ARHGEF19: variants seen among roughly 807,000 people sequenced by gnomAD.
The protein encoded by ARHGEF19 is Rho guanine nucleotide exchange factor 19, also known as Rho guanine nucleotide exchange factor (GEF) 19.
In ARHGEF19, 92 loss-of-function variants were observed where a neutral mutation model predicts 87.6. The ratio of observed to expected loss-of-function variants is 1.05; its 90% CI spans 0.89 to 1.25. The LOEUF (loss-of-function observed/expected upper bound fraction) is 1.25. ARHGEF19 is among the 50% of genes most tolerant of loss of function. The pLI is 0.00. For synonymous variants in ARHGEF19, 438 were observed against 446.2 expected, an observed-to-expected ratio of 0.98 and a Z score of 0.23; for missense variants, 1,054 against 1,051.8, an observed-to-expected ratio of 1.00 and a Z score of -0.03.
intron 14 of ARHGEF19, among the ~76,000 whole-genome samples, chr1:16,201,488 G>A (rs1205198942): frequency 6.6e-6 from 1 of 152,188 alleles, no homozygotes; most frequent in Non-Finnish European, 1.5e-5. Context: ...CTGGCTGGGT[G>A]AACTTACACA....
At chr1:16,202,685 C>T (rs2081094030) in intron 12 of ARHGEF19, 111 bp from the exon 13 acceptor site, 6 of 1,389,648 alleles carry the variant, frequency 4.3e-6, no homozygotes, top group South Asian at 1.4e-5. Flanking sequence ...GTTGCCTGCC[C>T]TGCCAGCGTT....
rs2081117399 is a variant in ARHGEF19 at position 16,205,254 on chromosome 1, G to A, written c.1657-78C>T. 2.5e-6 allele frequency: 4 copies of A among 1,599,552 alleles called. No homozygotes were observed. Among genetic ancestry groups the A allele is most frequent in the Non-Finnish European group, 3.4e-6 (4 of 1,170,622 alleles). On this transcript the variant is annotated intron_variant, in intron 10 of 15. Coordinates refer to ENST00000270747, the MANE Select transcript of ARHGEF19 (RefSeq NM_153213.5). This position sits in a 1 kb window ranked among gnomAD's most constrained non-coding sequence, Gnocchi z 5.8. The stretch of plus-strand genomic sequence containing the variant: ...GCCCAGCCTCAGACTCTTGCCTGGG[G>A]ACCGGAGACTCTGACAGCTGGGGGC...
At position 16,208,181 on chromosome 1, in the gene ARHGEF19, G is replaced by A. The variant is rs1245258685; in HGVS notation, c.457C>T (p.Pro153Ser). ...VYQREEVPGC[P>S]EAHAVFLEPG... is the part of the protein sequence containing the mutation. ...TCTAGGAAGACAGCGTGGGCCTCGG[G>A]GCAGCCGGGGACCTCTTCACGCTGG... Residue 153 changes from proline (P) to serine (S), a missense_variant, in exon 3 of 16, where the codon CCC becomes TCC. By Grantham distance (74) the Pro-to-Ser change is moderately conservative. Transcript: ENST00000270747. The A allele has an allele frequency of 6.2e-7, 1 of 1,613,296 alleles. No homozygotes were observed. The highest frequency in any genetic ancestry group is 8.5e-7 in the Non-Finnish European group (1 of 1,179,616).
chr1:16,211,780 G>T (rs754566659), intron 1 of ARHGEF19, among the ~76,000 whole-genome samples: 3 of 152,142 alleles, frequency 2.0e-5, no homozygotes, highest in Non-Finnish European at 4.4e-5. Context: ...ATCTCTGTTA[G>T]AAAAAAACAA....
At chr1:16,208,479 C>A (rs1202309187) in intron 2 of ARHGEF19, among the ~76,000 whole-genome samples, 164 bp downstream of exon 2, 1 of 152,208 alleles carries the variant, frequency 6.6e-6, no homozygotes, top group African/African-American at 2.4e-5. Flanking sequence ...TAACCTTGGA[C>A]AAGTCACTTG....
At chr1:16,201,466 C>T (rs985992597) in intron 14 of ARHGEF19, among the ~76,000 whole-genome samples, 5 of 152,222 alleles carry the variant, frequency 3.3e-5, no homozygotes, top group African/African-American at 1.2e-4. Flanking sequence ...CTGGTCTCGG[C>T]TCTGCTACTT....
At position 16,206,851 on chromosome 1, in the gene ARHGEF19, T is replaced by C; in HGVS notation, c.1137+97A>G. Reference sequence around the variant, plus strand: ...ACAGTCGCGCCAGCAACCCCCTTTGTGTGTCCCCCTCCCTCTATGGCCCGG... The same window carrying C: ...ACAGTCGCGCCAGCAACCCCCTTTGCGTGTCCCCCTCCCTCTATGGCCCGG... On this transcript the variant is annotated intron_variant, in intron 6 of 15. Transcript: ENST00000270747. This position sits in a 1 kb window ranked among gnomAD's most constrained non-coding sequence, Gnocchi z 4.6. 7.5e-7 allele frequency: 1 copy of C among 1,337,164 alleles called. No individual in the cohort carries two copies. The highest frequency in any genetic ancestry group is 1.6e-5 in the African/African-American group (1 of 64,470). The allele number at this position is 1,337,164 out of a possible 1,614,324, so 82.8% of individuals were successfully genotyped here.
chr1:16,203,887 T>C (rs1455206593), intron 12 of ARHGEF19, among the ~76,000 whole-genome samples: 2 of 152,266 alleles, frequency 1.3e-5, no homozygotes, highest in African/African-American at 2.4e-5. Flanking sequence ...GTATTTTCAC[T>C]GTCTGAGAGC....
Position 16,206,788 on chromosome 1 carries a change from C to T in ARHGEF19, c.1137+160G>A, listed in dbSNP as rs1012693064. On this transcript the variant is annotated intron_variant, in intron 6 of 15. Coordinates refer to ENST00000270747, the MANE Select transcript of ARHGEF19 (RefSeq NM_153213.5). The surrounding 1 kb of genome is among the most constrained non-coding windows in gnomAD (Gnocchi z 4.6). ...CTTGCTGTCCTCGCTTCCAGACGGC[C>T]TCGTGTAGTCAGGTCCTAGAGCCAA... Among the ~76,000 whole-genome samples, 5 of 152,076 alleles carry T rather than the reference C, an allele frequency of 3.3e-5. No individual in the cohort carries two copies. The highest frequency in any genetic ancestry group is 1.9e-4 in the East Asian group (1 of 5,176).
At chr1:16,210,970 C>G (rs1388893940) in intron 1 of ARHGEF19, among the ~76,000 whole-genome samples, 1 of 152,090 alleles carries the variant, frequency 6.6e-6, no homozygotes, top group East Asian at 1.9e-4. Flanking sequence ...TCCCCCTGCT[C>G]CCTTCACCCT....
At chr1:16,203,562 G>C (rs367646327) in intron 12 of ARHGEF19, among the ~76,000 whole-genome samples, 2 of 152,092 alleles carry the variant, frequency 1.3e-5, no homozygotes, top group African/African-American at 4.8e-5. Flanking sequence ...CACGCTCCCT[G>C]CTGCCTCAGA....
chr1:16,200,326 T>A (rs75181987), intron 14 of ARHGEF19, among the ~76,000 whole-genome samples: 1 of 152,364 alleles, frequency 6.6e-6, no homozygotes, highest in African/African-American at 2.4e-5. Context: ...AGGATTAAAT[T>A]AGATTTAATG....
At position 16,201,865 on chromosome 1, in the gene ARHGEF19, G is replaced by T. The variant is rs758908164; in HGVS notation, c.2067-4C>A. ...GATCCATCGCTGCTTCTCACTTCTAGGGAAGGGGGAGGCTAAGTTGTCACA... is the reference window on the plus strand; with the variant it reads ...GATCCATCGCTGCTTCTCACTTCTATGGAAGGGGGAGGCTAAGTTGTCACA... On this transcript the variant is annotated splice_region_variant and splice_polypyrimidine_tract_variant and intron_variant, in intron 13 of 15. Transcript: ENST00000270747. The T allele has an allele frequency of 1.2e-6, 2 of 1,613,356 alleles. No individual in the cohort carries two copies. Among genetic ancestry groups the T allele is most frequent in the Non-Finnish European group, 1.7e-6 (2 of 1,179,730 alleles).
At chr1:16,204,725 C>A in intron 12 of ARHGEF19, 34 bp downstream of exon 12, 2 of 1,531,998 alleles carry the variant, frequency 1.3e-6, no homozygotes, top group Non-Finnish European at 1.8e-6. Flanking sequence ...CCTGGCTCCA[C>A]TTTACCTACC....
chr1:16,206,904 TCCCCGGCCCGC>T lies in ARHGEF19; in HGVS notation c.1137+33_1137+43del. On this transcript the variant is annotated intron_variant, in intron 6 of 15. Transcript: ENST00000270747. This position sits in a 1 kb window ranked among gnomAD's most constrained non-coding sequence, Gnocchi z 4.6. ...CCCGCTAAGTCCCCGGACCGCGTACTCCCCGGCCCGCCCCCGCCCCGCCGGGTCCCCGCGCG... is the reference window on the plus strand; with the variant it reads ...CCCGCTAAGTCCCCGGACCGCGTACTCCCCGCCCCGCCGGGTCCCCGCGCG... The T allele has an allele frequency of 7.1e-7, 1 of 1,406,742 alleles. No homozygotes were observed. The highest frequency in any genetic ancestry group is 3.0e-5 in the East Asian group (1 of 33,482). 87.1% of individuals were successfully genotyped at this position (1,406,742 alleles called of 1,614,324 possible). A position where few individuals can be genotyped will look rare whatever the true frequency, so the allele number is the denominator to read the frequency against.
rs1045585630 is a variant in ARHGEF19 at position 16,207,429 on chromosome 1, C to T, written c.874+93G>A. On this transcript the variant is annotated intron_variant, in intron 5 of 15. Transcript: ENST00000270747. The surrounding 1 kb of genome is among the most constrained non-coding windows in gnomAD (Gnocchi z 4.0). ...CCATTCTCCGTTTCTCACTCGATCC[C>T]TACCTCTCAACTCTCCAAACCCTCT... 10 of 1,511,742 alleles carry T rather than the reference C, an allele frequency of 6.6e-6. No individual in the cohort carries two copies. The Admixed American group carries it at 1.8e-4, about 28-fold the overall frequency. The allele number at this position is 1,511,742 out of a possible 1,614,324, so 93.6% of individuals were successfully genotyped here.
chr1:16,206,340 C>A lies in ARHGEF19; in HGVS notation c.1138G>T (p.Ala380Ser). Reference sequence around the variant, plus strand: ...TCGGAGGTGATCAGCTCAAACTTGGCCTGAGGGAGGGCACACACGGGGTCG... The same window carrying A: ...TCGGAGGTGATCAGCTCAAACTTGGACTGAGGGAGGGCACACACGGGGTCG... ...LSLRDCKLQE[A>S]KFELITSEAS... Residue 380 changes from alanine (A) to serine (S), a missense_variant and splice_region_variant, in exon 7 of 16, where the codon GCC becomes TCC. Transcript: ENST00000270747. The surrounding 1 kb of genome is among the most constrained non-coding windows in gnomAD (Gnocchi z 4.6). 6.3e-7 allele frequency: 1 copy of A among 1,576,092 alleles called. No individual in the cohort carries two copies. The highest frequency in any genetic ancestry group is 8.6e-7 in the Non-Finnish European group (1 of 1,161,158).
Position 16,207,883 on chromosome 1 carries a change from G to GGGCGC in ARHGEF19, c.694+60_694+61insGCGCC. ...CTCAGGCGGCCGGTGAGTGGGCATC[G>GGGCGC]CCCACCCCCACCCCCACCCGGCATC... On this transcript the variant is annotated intron_variant, in intron 3 of 15. Coordinates refer to ENST00000270747, the MANE Select transcript of ARHGEF19 (RefSeq NM_153213.5). This position sits in a 1 kb window ranked among gnomAD's most constrained non-coding sequence, Gnocchi z 4.0. The GGGCGC allele has an allele frequency of 1.4e-6, 2 of 1,476,428 alleles. No individual in the cohort carries two copies. Among genetic ancestry groups the GGGCGC allele is most frequent in the Non-Finnish European group, 1.9e-6 (2 of 1,069,258 alleles). 91.5% of individuals were successfully genotyped at this position (1,476,428 alleles called of 1,614,324 possible). A position where few individuals can be genotyped will look rare whatever the true frequency, so the allele number is the denominator to read the frequency against.
At chr1:16,209,362 A>G (rs1040075390) in intron 1 of ARHGEF19, among the ~76,000 whole-genome samples, 1 of 152,238 alleles carries the variant, frequency 6.6e-6, no homozygotes, top group Admixed American at 6.5e-5. Flanking sequence ...AAACTGAGGC[A>G]CAGAGAGGTT....
Sources: allele counts gnomAD v4.1 joint callset (sites outside exome capture counted in the v4.1 genomes callset), GRCh38; gene constraint gnomAD v4.1.1; non-coding constraint Gnocchi (gnomAD v3.1); transcripts MANE v1.5; gene names NCBI Gene and HGNC (gene_info 2026-07-23, HGNC 2026-07-21).